Variants in PBX3 observed in about 807,000 individuals in gnomAD.
PBX3 encodes pre-B-cell leukemia transcription factor 3.
In PBX3, 14 loss-of-function variants were observed where a neutral mutation model predicts 48.5. The observed-to-expected ratio is 0.29, with a 90% CI of 0.19 to 0.45. PBX3 has a LOEUF of 0.45. Ranked by LOEUF, PBX3 falls within the 20% of genes least tolerant of loss-of-function variation. The pLI is 1.00. For synonymous variants in PBX3, 210 were observed against 200.3 expected (o/e 1.05, Z -0.41); for missense variants, 386 against 546.7 (o/e 0.71, Z 2.93).
intron 2 of PBX3, among the ~76,000 whole-genome samples, chr9:125,876,643 C>T (rs1189144476): frequency 6.6e-6 from 1 of 152,080 alleles, no homozygotes; most frequent in Non-Finnish European, 1.5e-5. Context: ...TTCCAGTCAA[C>T]AGTAGGCTAT....
At chr9:125,920,995 A>G (rs1841444600) in intron 3 of PBX3, among the ~76,000 whole-genome samples, 1 of 152,242 alleles carries the variant, frequency 6.6e-6, no homozygotes, top group Admixed American at 6.5e-5. Flanking sequence ...TCAGATTAAA[A>G]AATGCTGATG....
intron 2 of PBX3, among the ~76,000 whole-genome samples, chr9:125,879,579 C>G (rs1840335294): frequency 6.6e-6 from 1 of 152,068 alleles, no homozygotes; most frequent in South Asian, 2.1e-4. Flanking sequence ...GGGCTGACTT[C>G]AGGACAATCT....
Position 125,794,501 on chromosome 9 carries a change from A to G in PBX3, c.274+45878A>G, listed in dbSNP as rs74309973. Among the ~76,000 whole-genome samples, 408 of 152,288 alleles carry G rather than the reference A, an allele frequency of 2.7e-3. 4 individuals carry two copies. The highest frequency in any genetic ancestry group is 0.014 in the East Asian group (72 of 5,180). Reference sequence around the variant, plus strand: ...TGACTTTAGTTACTGCTCAGTTTCTATTATTGAATGATGCCCTATATGGTA... The same window carrying G: ...TGACTTTAGTTACTGCTCAGTTTCTGTTATTGAATGATGCCCTATATGGTA... On this transcript the variant is annotated intron_variant, in intron 2 of 8. Coordinates refer to ENST00000373489, the MANE Select transcript of PBX3 (RefSeq NM_006195.6).
At chr9:125,804,772 C>T (rs1479204123) in intron 2 of PBX3, among the ~76,000 whole-genome samples, 2 of 151,666 alleles carry the variant, frequency 1.3e-5, no homozygotes, top group Non-Finnish European at 2.9e-5. Context: ...ATGGTGAAAC[C>T]CCATCTTTAC....
At chr9:125,880,550 A>C (rs921702780) in intron 2 of PBX3, among the ~76,000 whole-genome samples, 1 of 152,178 alleles carries the variant, frequency 6.6e-6, no homozygotes, top group Non-Finnish European at 1.5e-5. Context: ...GTTCTTGTAA[A>C]GAAAGTTCTG....
intron 2 of PBX3, among the ~76,000 whole-genome samples, chr9:125,798,628 T>C (rs1477769263): frequency 6.6e-6 from 1 of 152,148 alleles, no homozygotes; most frequent in African/African-American, 2.4e-5. Context: ...GTGATAGAGG[T>C]AATTAACTCT....
At chr9:125,873,187 A>AAAAAC (rs201592676) in intron 2 of PBX3, among the ~76,000 whole-genome samples, 25 of 152,240 alleles carry the variant, frequency 1.6e-4, no homozygotes, top group African/African-American at 2.2e-4. Flanking sequence ...TCTGTCTCAA[A>AAAAAC]AAAACAAAAC....
At chr9:125,779,243 T>TC (rs1837167099) in intron 2 of PBX3, among the ~76,000 whole-genome samples, 1 of 103,736 alleles carries the variant, frequency 9.6e-6, no homozygotes, top group South Asian at 3.2e-4. Flanking sequence ...AGAACTTTGT[T>TC]CCTTTTTTTT....
intron 3 of PBX3, among the ~76,000 whole-genome samples, chr9:125,927,222 A>G (rs1178558812): frequency 6.6e-6 from 1 of 152,230 alleles, no homozygotes; most frequent in East Asian, 1.9e-4. Flanking sequence ...CAATCTGTAG[A>G]TGTTTATTAG....
Position 125,763,377 on chromosome 9 carries a change from C to T in PBX3, c.274+14754C>T, listed in dbSNP as rs528900062. Among the ~76,000 whole-genome samples the T allele has an allele frequency of 6.6e-5, 10 of 152,208 alleles. No homozygotes were observed. In the East Asian group the frequency reaches 1.5e-3, roughly 23 times the overall value. On this transcript the variant is annotated intron_variant, in intron 2 of 8. Coordinates refer to ENST00000373489, the MANE Select transcript of PBX3 (RefSeq NM_006195.6). ...GAAATGAACAAAAAGATATTGTTAC[C>T]GATTACATGTAAACAGCCTGAATCA...
chr9:125,861,416 GTC>G (rs1221441503), intron 2 of PBX3, among the ~76,000 whole-genome samples: 2 of 152,094 alleles, frequency 1.3e-5, no homozygotes, highest in Non-Finnish European at 2.9e-5. Context: ...ATGGAAAATA[GTC>G]TGTCAGTTCT....
intron 2 of PBX3, among the ~76,000 whole-genome samples, chr9:125,902,333 T>A (rs1417921014): frequency 6.6e-6 from 1 of 151,716 alleles, no homozygotes; most frequent in Non-Finnish European, 1.5e-5. Context: ...AAGAAGAATT[T>A]GTTGTACTCG....
At chr9:125,876,515 TC>T (rs1432428196) in intron 2 of PBX3, among the ~76,000 whole-genome samples, 5 of 152,206 alleles carry the variant, frequency 3.3e-5, no homozygotes, top group Non-Finnish European at 7.3e-5. Flanking sequence ...TATTTTCTCT[TC>T]CTTGATATTT....
At position 125,815,210 on chromosome 9, in the gene PBX3, A is replaced by C. The variant is rs144874693; in HGVS notation, c.274+66587A>C. ...ATATTTTTCAACTAGTTAGCAGGTAATTTTAAATTATAAAAGTACTCTCCT... is the reference window on the plus strand; with the variant it reads ...ATATTTTTCAACTAGTTAGCAGGTACTTTTAAATTATAAAAGTACTCTCCT... On this transcript the variant is annotated intron_variant, in intron 2 of 8. Coordinates refer to ENST00000373489, the MANE Select transcript of PBX3 (RefSeq NM_006195.6). 2.4e-3 allele frequency among the ~76,000 whole-genome samples: 361 copies of C among 152,278 alleles called. 1 individual carries two copies. Among genetic ancestry groups the C allele is most frequent in the African/African-American group, 8.4e-3 (351 of 41,554 alleles).
At chr9:125,856,654 C>A (rs1839732214) in intron 2 of PBX3, among the ~76,000 whole-genome samples, 1 of 152,180 alleles carries the variant, frequency 6.6e-6, no homozygotes. Context: ...GCTCTTAAAG[C>A]TGTAACATTG....
intron 2 of PBX3, among the ~76,000 whole-genome samples, chr9:125,850,370 T>C (rs1839546303): frequency 6.6e-6 from 1 of 152,078 alleles, no homozygotes; most frequent in East Asian, 1.9e-4. Context: ...CTGAAGCCAG[T>C]CCATGGCATT....
intron 2 of PBX3, among the ~76,000 whole-genome samples, chr9:125,793,581 C>T (rs780065050): frequency 1.8e-4 from 27 of 151,356 alleles, no homozygotes; most frequent in Non-Finnish European, 3.4e-4. Context: ...AGGTGCTGGC[C>T]ACCACACGCA....
chr9:125,771,084 T>C (rs751987938), intron 2 of PBX3, among the ~76,000 whole-genome samples: 1 of 152,240 alleles, frequency 6.6e-6, no homozygotes, highest in Non-Finnish European at 1.5e-5. Context: ...GGTGATGATA[T>C]ACTTGTCTTT....
chr9:125,899,592 G>A (rs1013967246), intron 2 of PBX3, among the ~76,000 whole-genome samples: 3 of 150,748 alleles, frequency 2.0e-5, no homozygotes, highest in Admixed American at 1.3e-4. Flanking sequence ...TAGTCTTACA[G>A]CATTTTGGTC....
Sources: gnomAD v4.1 joint callset for allele counts (sites outside exome capture counted in the v4.1 genomes callset) on GRCh38, gnomAD v4.1.1 for gene constraint, MANE v1.5 for transcripts, NCBI Gene and HGNC (gene_info 2026-07-23, HGNC 2026-07-21) for gene names.